The following GALNT13 variants were observed in gnomAD, a reference collection of about 807,000 sequenced individuals.
The protein encoded by GALNT13 is UDP-GalNAc:polypeptide N-acetylgalactosaminyltransferase 13.
Under a neutral mutation model 64.2 loss-of-function variants are expected in GALNT13, and 28 were observed. The ratio of observed to expected loss-of-function variants is 0.44; its 90% confidence interval spans 0.32 to 0.60. The LOEUF (loss-of-function observed/expected upper bound fraction) is 0.60, where lower values mean the gene tolerates loss of function less well. GALNT13 is among the 20% of genes least tolerant of loss of function. The pLI is 0.05. For synonymous variants in GALNT13, 214 were observed against 224.6 expected (o/e 0.95, Z 0.42); for missense variants, 577 against 669.8 (o/e 0.86, Z 1.53).
chr2:153,633,060 G>C, the GALNT13 span, among the ~76,000 whole-genome samples: 4 of 151,948 alleles, frequency 2.6e-5, no homozygotes, highest in South Asian at 8.3e-4. Context: ...CATACGCAGC[G>C]CCATCTATTT....
chr2:153,068,757 G>A, the GALNT13 span, among the ~76,000 whole-genome samples: 5,321 of 152,238 alleles, frequency 0.035, 191 homozygotes, highest in East Asian at 0.17. Flanking sequence ...TTTTTAAGTA[G>A]CATAGGTATA....
chr2:153,598,527 A>G, the GALNT13 span, among the ~76,000 whole-genome samples: 3 of 151,872 alleles, frequency 2.0e-5, no homozygotes, highest in East Asian at 1.9e-4. Context: ...TTCTATTTTT[A>G]TTTATATGAT....
the GALNT13 span, among the ~76,000 whole-genome samples, chr2:153,374,345 AG>A: frequency 2.6e-5 from 4 of 152,136 alleles, no homozygotes; most frequent in Non-Finnish European, 5.9e-5. Context: ...AGTAATGTTG[AG>A]CATCTTTTCA....
chr2:154,133,336 A>G (rs1302967015), intron 3 of GALNT13, among the ~76,000 whole-genome samples: 1 of 151,854 alleles, frequency 6.6e-6, no homozygotes, highest in Non-Finnish European at 1.5e-5. Context: ...GTGATTTGCT[A>G]AATCTCTACT....
At chr2:153,686,390 T>A in the GALNT13 span, among the ~76,000 whole-genome samples, 1 of 152,156 alleles carries the variant, frequency 6.6e-6, no homozygotes, top group Admixed American at 6.6e-5. Context: ...TCCTAGGTAT[T>A]TTATTATTTT....
chr2:153,151,124 T>C, the GALNT13 span, among the ~76,000 whole-genome samples: 1 of 152,124 alleles, frequency 6.6e-6, no homozygotes, highest in African/African-American at 2.4e-5. Context: ...TCCATTTGTT[T>C]GTATCCCCTT....
the GALNT13 span, among the ~76,000 whole-genome samples, chr2:153,822,965 A>C: frequency 6.6e-6 from 1 of 152,196 alleles, no homozygotes; most frequent in African/African-American, 2.4e-5. Context: ...AGTAGTATTT[A>C]TATAGATCAA....
intron 3 of GALNT13, among the ~76,000 whole-genome samples, chr2:154,020,851 T>G (rs1697413731): frequency 6.6e-6 from 1 of 152,146 alleles, no homozygotes; most frequent in Non-Finnish European, 1.5e-5. Flanking sequence ...ATTTAAGTCT[T>G]TAATCCATCT....
At chr2:154,306,626 G>A (rs1574060109) in intron 9 of GALNT13, among the ~76,000 whole-genome samples, 1 of 148,500 alleles carries the variant, frequency 6.7e-6, no homozygotes, top group African/African-American at 2.5e-5. Context: ...GGTGGGGGGG[G>A]GGTCAAGAAA....
At chr2:154,057,654 G>T (rs1352000959) in intron 3 of GALNT13, among the ~76,000 whole-genome samples, 4 of 152,132 alleles carry the variant, frequency 2.6e-5, no homozygotes, top group Admixed American at 2.0e-4. Flanking sequence ...GGTGAGGGTG[G>T]AGAGCAGCAA....
intron 8 of GALNT13, among the ~76,000 whole-genome samples, chr2:154,298,828 ATTATATATAAATTATATATTAT>A (rs1693239638): frequency 0.081 from 343 of 4,222 alleles, no homozygotes; most frequent in Non-Finnish European, 0.14. Flanking sequence ...TTATATATAC[ATTATATATAAATTATATATTAT>A]TTATATATAC....
the GALNT13 span, among the ~76,000 whole-genome samples, chr2:153,229,195 T>A: frequency 6.6e-6 from 1 of 152,186 alleles, no homozygotes; most frequent in Admixed American, 6.5e-5. Flanking sequence ...TTTGAGAATT[T>A]TCCAGCTTTA....
At chr2:153,827,172 G>T in the GALNT13 span, among the ~76,000 whole-genome samples, 6 of 152,030 alleles carry the variant, frequency 3.9e-5, no homozygotes, top group African/African-American at 1.4e-4. Context: ...GAGAGAGCTT[G>T]TGCAGGGAAA....
the GALNT13 span, among the ~76,000 whole-genome samples, chr2:153,157,000 C>T: frequency 2.0e-5 from 3 of 152,148 alleles, no homozygotes; most frequent in South Asian, 6.2e-4. Context: ...AATGACTGGG[C>T]CTCTTAGTGA....
chr2:153,772,967 T>C, the GALNT13 span, among the ~76,000 whole-genome samples: 2 of 152,186 alleles, frequency 1.3e-5, no homozygotes, highest in Admixed American at 6.5e-5. Context: ...CTGGCTGAGC[T>C]CTGCAATTGA....
At chr2:153,266,601 GA>G in the GALNT13 span, among the ~76,000 whole-genome samples, 1 of 152,060 alleles carries the variant, frequency 6.6e-6, no homozygotes, top group Non-Finnish European at 1.5e-5. Context: ...AGTGCAGGGG[GA>G]AAAGTGCCAA....
chr2:154,219,372 G>T (rs968983658), intron 4 of GALNT13, among the ~76,000 whole-genome samples: 3 of 152,010 alleles, frequency 2.0e-5, no homozygotes, highest in African/African-American at 7.2e-5. Context: ...TTAGAGTCAA[G>T]ATTTGAATTC....
At chr2:153,892,136 C>T (rs10202795) in intron 1 of GALNT13, among the ~76,000 whole-genome samples, 95,927 of 151,740 alleles carry the variant, frequency 0.63, 30,630 homozygotes, top group East Asian at 0.82. Context: ...CCCTCACATG[C>T]CTCCCATTTT....
intron 3 of GALNT13, among the ~76,000 whole-genome samples, chr2:153,965,972 C>G (rs190681242): frequency 6.6e-6 from 1 of 152,092 alleles, no homozygotes; most frequent in African/African-American, 2.4e-5. Flanking sequence ...ATATGAGTGA[C>G]AGTCTGAAGT....
Sources: gnomAD v4.1 joint callset for allele counts (sites outside exome capture counted in the v4.1 genomes callset) on GRCh38, gnomAD v4.1.1 for gene constraint, MANE v1.5 for transcripts, NCBI Gene and HGNC (gene_info 2026-07-23, HGNC 2026-07-21) for gene names.